The following PLEKHA6 variants were observed in gnomAD, a reference collection of about 807,000 sequenced individuals.
PLEKHA6 encodes pleckstrin homology domain-containing family A member 6.
Under a neutral mutation model 116.7 loss-of-function variants are expected in PLEKHA6, and 60 were observed. The observed-to-expected ratio is 0.51, with a 90% confidence interval of 0.42 to 0.64. The LOEUF (loss-of-function observed/expected upper bound fraction) is 0.64, where lower values mean the gene tolerates loss of function less well. Ranked by LOEUF, PLEKHA6 falls within the 30% of genes least tolerant of loss-of-function variation. The pLI, the probability that PLEKHA6 is intolerant of heterozygous loss-of-function variation, is 0.00. For missense variants in PLEKHA6, 1,338 were observed against 1,422.7 expected (o/e 0.94, Z 0.96); for synonymous variants, 489 against 556.1 (o/e 0.88, Z 1.70).
In PLEKHA6 at chr1:204,259,737, A is replaced by G. The variant is rs1391595888; in HGVS notation, c.528T>C (p.His176=). Residue 176 remains histidine (H), a synonymous_variant, in exon 8 of 23, where the codon CAT becomes CAC. Coordinates refer to ENST00000272203, the MANE Select transcript of PLEKHA6 (RefSeq NM_014935.5). This position sits in a 1 kb window ranked among gnomAD's most constrained non-coding sequence, Gnocchi z 4.6. ...KSVPQAVRHS[H]EKPDSENVPP... ...GGACGTTCTCCGAGTCTGGCTTCTC[A>G]TGGCTGCAGGATGCCAAGGGAGATG... The G allele has an allele frequency of 6.2e-7, 1 of 1,608,162 alleles. No homozygotes were observed.
upstream of PLEKHA6, among the ~76,000 whole-genome samples, chr1:204,361,302 C>T (rs904302639): frequency 1.5e-4 from 23 of 152,162 alleles, no homozygotes; most frequent in African/African-American, 5.6e-4. Context: ...ATCATTTTTA[C>T]CAACTGAAGC....
intron 1 of PLEKHA6, among the ~76,000 whole-genome samples, chr1:204,281,974 C>T (rs1668671361): frequency 6.6e-6 from 1 of 152,194 alleles, no homozygotes; most frequent in Admixed American, 6.5e-5. Flanking sequence ...GCTCCCACCA[C>T]AGGCAGAAGA....
upstream of PLEKHA6, among the ~76,000 whole-genome samples, chr1:204,361,254 T>C (rs1673551387): frequency 6.6e-6 from 1 of 152,224 alleles, no homozygotes; most frequent in Non-Finnish European, 1.5e-5. Flanking sequence ...TTGACTCCAA[T>C]ACAAGTGGGT....
At chr1:204,283,378 C>T (rs1309776387) in intron 1 of PLEKHA6, among the ~76,000 whole-genome samples, 6 of 152,192 alleles carry the variant, frequency 3.9e-5, no homozygotes, top group Non-Finnish European at 8.8e-5. Context: ...TTGAGTGATG[C>T]CTTGTTGAGC....
intron 1 of PLEKHA6, among the ~76,000 whole-genome samples, chr1:204,300,295 G>A (rs1328763210): frequency 6.6e-6 from 1 of 152,158 alleles, no homozygotes; most frequent in Non-Finnish European, 1.5e-5. Context: ...CTTCTCTCAA[G>A]ACAGGTCCCC....
rs942864905 is a variant in PLEKHA6, at chr1:204,253,856, A to C, written c.1525-3242T>G. On this transcript the variant is annotated intron_variant, in intron 9 of 22. Transcript: ENST00000272203. Reference sequence around the variant, plus strand: ...CTCAAAAAAAAAAAAAAAAACAAAAACAAAAACAAACAAACAAACAAAAAG... The same window carrying C: ...CTCAAAAAAAAAAAAAAAAACAAAACCAAAAACAAACAAACAAACAAAAAG... Among the ~76,000 whole-genome samples, 77 of 150,916 alleles carry C rather than the reference A, an allele frequency of 5.1e-4. No individual in the cohort carries two copies. In the East Asian group the frequency reaches 0.014, roughly 28 times the overall value.
intron 1 of PLEKHA6, chr1:204,309,741 T>A (rs1671589946): frequency 1.1e-6 from 1 of 915,616 alleles, no homozygotes; most frequent in East Asian, 1.2e-4. Context: ...ATGATGCTTC[T>A]TGGACTAAGA....
chr1:204,230,341 G>T, intron 18 of PLEKHA6, 72 bp downstream of exon 18: 2 of 1,260,200 alleles, frequency 1.6e-6, no homozygotes, highest in Non-Finnish European at 1.1e-6. Context: ...GGCCCAAGCT[G>T]GCCATGCCCT....
chr1:204,320,524 C>T (rs1411794925), intron 1 of PLEKHA6: 1 of 977,752 alleles, frequency 1.0e-6, no homozygotes, highest in Non-Finnish European at 1.2e-6. Flanking sequence ...CAACTAGAAA[C>T]CATAACTTAG....
At chr1:204,280,360 A>G (rs189570302) in intron 1 of PLEKHA6, 2 of 985,412 alleles carry the variant, frequency 2.0e-6, no homozygotes, top group East Asian at 1.1e-4. Context: ...ACACATGCAC[A>G]CACACTCCCA....
intron 1 of PLEKHA6, among the ~76,000 whole-genome samples, chr1:204,283,925 G>T (rs559585382): frequency 9.3e-5 from 14 of 151,042 alleles, no homozygotes; most frequent in African/African-American, 3.1e-4. Flanking sequence ...CTCACACACA[G>T]GGGAACTGAA....
At chr1:204,319,760 T>C (rs959423733) in intron 1 of PLEKHA6, among the ~76,000 whole-genome samples, 1 of 152,090 alleles carries the variant, frequency 6.6e-6, no homozygotes, top group African/African-American at 2.4e-5. Context: ...CATATAAACA[T>C]TTCTCAATAA....
At chr1:204,256,627 A>G (rs1665329731) in intron 9 of PLEKHA6, among the ~76,000 whole-genome samples, 1 of 152,134 alleles carries the variant, frequency 6.6e-6, no homozygotes, top group Non-Finnish European at 1.5e-5. Context: ...ACCAAACTTG[A>G]TACTGGGGCT....
At chr1:204,358,844 C>T (rs570577077) in intron 1 of PLEKHA6, among the ~76,000 whole-genome samples, 9 of 152,116 alleles carry the variant, frequency 5.9e-5, no homozygotes, top group African/African-American at 2.2e-4. Context: ...CCCTGGCTGG[C>T]CTGTTGTCTC....
At chr1:204,233,945 T>C (rs745351232) in intron 17 of PLEKHA6, among the ~76,000 whole-genome samples, 41 of 152,248 alleles carry the variant, frequency 2.7e-4, no homozygotes, top group South Asian at 4.1e-4. Context: ...GTTAGGTGAA[T>C]GTATTTTGCA....
At chr1:204,286,471 G>A (rs1669189868) in intron 1 of PLEKHA6, among the ~76,000 whole-genome samples, 1 of 152,134 alleles carries the variant, frequency 6.6e-6, no homozygotes, top group Non-Finnish European at 1.5e-5. Flanking sequence ...TGCCAGCCGG[G>A]ACAGAAGCCG....
At chr1:204,275,008 G>T in intron 1 of PLEKHA6, 199 bp from the exon 2 acceptor site, 1 of 901,924 alleles carries the variant, frequency 1.1e-6, no homozygotes, top group Non-Finnish European at 1.3e-6. Context: ...AGGAAGAGAT[G>T]AAGCCTGGTC....
At chr1:204,315,427 G>A (rs180734910) in intron 1 of PLEKHA6, among the ~76,000 whole-genome samples, 7 of 152,210 alleles carry the variant, frequency 4.6e-5, no homozygotes, top group South Asian at 2.1e-4. Context: ...ACATTTCCCC[G>A]AAAGGCCTTA....
chr1:204,240,969 G>A (rs946898505), intron 17 of PLEKHA6, among the ~76,000 whole-genome samples: 4 of 152,138 alleles, frequency 2.6e-5, no homozygotes, highest in African/African-American at 4.8e-5. Context: ...TTTTTCTCCC[G>A]TGCTGGATGC....
Sources: gnomAD v4.1 joint callset for allele counts (sites outside exome capture counted in the v4.1 genomes callset) on GRCh38, gnomAD v4.1.1 for gene constraint, Gnocchi (gnomAD v3.1) non-coding constraint, MANE v1.5 for transcripts, NCBI Gene and HGNC (gene_info 2026-07-23, HGNC 2026-07-21) for gene names.